Variants in STYXL1 observed in about 807,000 individuals in gnomAD.
STYXL1 encodes the protein serine/threonine/tyrosine interacting like 1.
Under a neutral mutation model 36.4 loss-of-function variants are expected in STYXL1, and 32 were observed. The ratio of observed to expected loss-of-function variants is 0.88; its 90% CI spans 0.66 to 1.18. The LOEUF (loss-of-function observed/expected upper bound fraction) is 1.18, where lower values mean the gene tolerates loss of function less well. STYXL1 is among the 50% of genes most tolerant of loss of function. The pLI, the probability that STYXL1 is intolerant of heterozygous loss-of-function variation, is 0.00. For missense variants in STYXL1, 354 were observed against 394.1 expected, an observed-to-expected ratio of 0.90 and a Z score of 0.86; for synonymous variants, 133 against 144.1, an observed-to-expected ratio of 0.92 and a Z score of 0.55.
chr7:76,001,015 G>A lies in STYXL1; in HGVS notation c.698-13C>T. On this transcript the variant is annotated splice_polypyrimidine_tract_variant and intron_variant, in intron 7 of 8. Transcript: ENST00000359697. Reference sequence around the variant, plus strand: ...TGATGGTGAATTTCTGCAAAAAGAAGTGGGGGGTTGGGTCATGCCTGGCCC... The same window carrying A: ...TGATGGTGAATTTCTGCAAAAAGAAATGGGGGGTTGGGTCATGCCTGGCCC... 1 of 1,608,006 alleles carries A rather than the reference G, an allele frequency of 6.2e-7. No individual in the cohort carries two copies. Among genetic ancestry groups the A allele is most frequent in the Non-Finnish European group, 8.5e-7 (1 of 1,174,354 alleles).
intron 2 of STYXL1, 119 bp downstream of exon 2, chr7:76,030,302 G>T: frequency 1.4e-6 from 1 of 730,150 alleles, no homozygotes; most frequent in Non-Finnish European, 2.4e-6. Context: ...CCCAGCCCAG[G>T]GATCCCTGTT....
intron 6 of STYXL1, among the ~76,000 whole-genome samples, chr7:76,004,957 T>C (rs547174484): frequency 6.6e-6 from 1 of 152,194 alleles, no homozygotes; most frequent in African/African-American, 2.4e-5. Context: ...GCCGAGATTG[T>C]GCCACTGCAC....
At chr7:76,000,432 C>G (rs1563457781) in intron 8 of STYXL1, 1 of 456,924 alleles carries the variant, frequency 2.2e-6, no homozygotes, top group Non-Finnish European at 4.4e-6. Context: ...AGGGCAGGCC[C>G]TCGAGAAAGG....
At chr7:76,046,339 T>TGCGC (rs60118008) in intron 1 of STYXL1, among the ~76,000 whole-genome samples, 92 of 44,850 alleles carry the variant, frequency 2.1e-3, no homozygotes, top group African/African-American at 5.4e-3. Context: ...TGTGTGTGTG[T>TGCGC]GCGCGCGCGC....
At chr7:76,003,903 G>GCATC (rs1563463865) in intron 6 of STYXL1, 48 bp from the exon 7 acceptor site, 1 of 1,564,926 alleles carries the variant, frequency 6.4e-7, no homozygotes, top group East Asian at 2.2e-5. Flanking sequence ...CAGAATGCAG[G>GCATC]CATCCCCATT....
intron 1 of STYXL1, among the ~76,000 whole-genome samples, chr7:76,043,297 G>A (rs535286006): frequency 5.3e-4 from 81 of 151,970 alleles, no homozygotes; most frequent in African/African-American, 1.8e-3. Flanking sequence ...GCCCGCCACC[G>A]TGCCCAACTA....
chr7:75,998,284 AC>A (rs1289283928), intron 8 of STYXL1, among the ~76,000 whole-genome samples: 1 of 139,626 alleles, frequency 7.2e-6, no homozygotes, highest in African/African-American at 2.7e-5. Context: ...ATAAACCCTT[AC>A]CTATATGGTC....
chr7:76,045,706 A>T (rs1418561519), intron 1 of STYXL1: 1 of 152,220 alleles, frequency 6.6e-6, no homozygotes, highest in Non-Finnish European at 1.5e-5. Flanking sequence ...AAATAAATAA[A>T]CAACCTTTGA....
chr7:76,022,385 T>C (rs1324871000), intron 3 of STYXL1, among the ~76,000 whole-genome samples: 5 of 151,874 alleles, frequency 3.3e-5, no homozygotes, highest in Admixed American at 3.3e-4. Flanking sequence ...CCAGACTGGA[T>C]GCAGTGGTTT....
rs981741585 is a variant in STYXL1, at chr7:76,047,943, G to T, written c.-286C>A. 1 of 1,451,974 alleles carries T rather than the reference G, an allele frequency of 6.9e-7. No individual in the cohort carries two copies. Among genetic ancestry groups the T allele is most frequent in the African/African-American group, 1.4e-5 (1 of 70,476 alleles). 89.9% of individuals were successfully genotyped at this position (1,451,974 alleles called of 1,614,324 possible). On this transcript the variant is annotated 5_prime_UTR_variant, in exon 1 of 9. In the 5' UTR this introduces an upstream ATG that the reference lacks. Transcript: ENST00000359697. ...ACACAGACGGCTACGCTAGAACCCA[G>T]CCAAACACCGGGGTTGCCAGGATGG...
At chr7:76,026,575 C>T (rs1230380915) in intron 3 of STYXL1, among the ~76,000 whole-genome samples, 1 of 152,180 alleles carries the variant, frequency 6.6e-6, no homozygotes, top group African/African-American at 2.4e-5. Context: ...AGCCTCCATG[C>T]CCCGCCCAAA....
Position 76,028,564 on chromosome 7 carries a change from G to A in STYXL1, c.165+78C>T, listed in dbSNP as rs574634807. On this transcript the variant is annotated intron_variant, in intron 3 of 8. Coordinates refer to ENST00000359697, the MANE Select transcript of STYXL1 (RefSeq NM_001317785.2). The stretch of plus-strand genomic sequence containing the variant: ...TCCTGCTTCTGCTGCCCGCTGGATT[G>A]AGGGTGAAACTTCCCACTCTTCCCC... 26 of 1,348,972 alleles carry A rather than the reference G, an allele frequency of 1.9e-5. No homozygotes were observed. In the African/African-American group the frequency reaches 3.2e-4, roughly 16 times the overall value. The allele number at this position is 1,348,972 out of a possible 1,614,324, so 83.6% of individuals were successfully genotyped here. A position where few individuals can be genotyped will look rare whatever the true frequency, so the allele number is the denominator to read the frequency against.
In STYXL1 at chr7:76,005,318, C is replaced by G. The variant is rs200736745; in HGVS notation, c.540G>C (p.Lys180Asn). Residue 180 changes from lysine to asparagine, a missense_variant, in exon 6 of 9, where the codon AAG becomes AAC. Physicochemically the swap from Lys to Asn is moderately conservative, Grantham distance 94 (BLOSUM62 0). Transcript: ENST00000359697. The part of the protein sequence containing the change: ...VGNFSQACDP[K>N]IQKDLKIKAH... ...CTTTGATTTTCAAGTCCTTCTGAAT[C>G]TTGGGGTCACAGGCTTGACTGAAAT... is the stretch of plus-strand genomic sequence containing the variant. 2.0e-5 allele frequency: 33 copies of G among 1,613,130 alleles called. No homozygotes were observed. The Admixed American group carries it at 3.0e-4, about 15-fold the overall frequency.
intron 4 of STYXL1, among the ~76,000 whole-genome samples, chr7:76,017,157 G>A (rs1793473978): frequency 6.6e-6 from 1 of 152,082 alleles, no homozygotes; most frequent in Non-Finnish European, 1.5e-5. Context: ...CGAGTAGCTA[G>A]GATTACAGGC....
At chr7:76,029,714 T>C (rs547094744) in intron 2 of STYXL1, among the ~76,000 whole-genome samples, 1 of 152,258 alleles carries the variant, frequency 6.6e-6, no homozygotes, top group African/African-American at 2.4e-5. Flanking sequence ...TGACAGGAGA[T>C]AGTGACAGAT....
In STYXL1 at chr7:76,013,887, T is replaced by C; in HGVS notation, c.308A>G (p.Asp103Gly). The C allele has an allele frequency of 6.2e-7, 1 of 1,608,858 alleles. No homozygotes were observed. Residue 103 changes from aspartate to glycine, a missense_variant and splice_region_variant, in exon 5 of 9, where the codon GAT becomes GGT. Coordinates refer to ENST00000359697, the MANE Select transcript of STYXL1 (RefSeq NM_001317785.2). ...DDSDSDGDGK[D>G]LVPQAAIEYG... ...CTCAATGGCTGCTTGAGGCACAAGA[T>C]CTGAGAGTGGAGACCAAAGACATGA... is the stretch of plus-strand genomic sequence containing the variant.
At chr7:76,030,850 T>TA (rs1160725857) in intron 1 of STYXL1, among the ~76,000 whole-genome samples, 3,005 of 57,066 alleles carry the variant, frequency 0.053, 143 homozygotes, top group Middle Eastern at 0.071. Context: ...CCATCTCTAC[T>TA]AAAAAAAAAA....
chr7:76,046,337 TGTGC>T (rs1363893956), intron 1 of STYXL1, among the ~76,000 whole-genome samples: 12 of 23,660 alleles, frequency 5.1e-4, no homozygotes, highest in South Asian at 2.2e-3. Context: ...TGTGTGTGTG[TGTGC>T]GCGCGCGCGC....
intron 1 of STYXL1, among the ~76,000 whole-genome samples, chr7:76,038,661 C>A (rs1188654739): frequency 1.3e-5 from 2 of 151,854 alleles, no homozygotes; most frequent in Non-Finnish European, 2.9e-5. Flanking sequence ...CTCCTGACCT[C>A]ATGATCCACC....
Sources: allele counts gnomAD v4.1 joint callset (sites outside exome capture counted in the v4.1 genomes callset), GRCh38; gene constraint gnomAD v4.1.1; transcripts MANE v1.5; gene names NCBI Gene and HGNC (gene_info 2026-07-23, HGNC 2026-07-21).